Variants in KCNH5 observed in about 807,000 individuals in gnomAD.
The protein encoded by KCNH5 is potassium voltage-gated channel subfamily H member 5.
A neutral mutation model predicts 96.1 loss-of-function variants in KCNH5; 46 were observed. The ratio of observed to expected loss-of-function variants is 0.48; its 90% CI spans 0.38 to 0.61. The LOEUF (loss-of-function observed/expected upper bound fraction) is 0.61. KCNH5 is among the 20% of genes least tolerant of loss of function. The pLI is 0.00. For missense variants in KCNH5, 907 were observed against 1,225.8 expected, an observed-to-expected ratio of 0.74 and a Z score of 3.88; for synonymous variants, 439 against 449.8, an observed-to-expected ratio of 0.98 and a Z score of 0.30.
intron 8 of KCNH5, among the ~76,000 whole-genome samples, chr14:62,839,722 A>G (rs766006690): frequency 2.0e-5 from 3 of 152,192 alleles, no homozygotes; most frequent in Non-Finnish European, 4.4e-5. Flanking sequence ...TTAATGAGTT[A>G]TTAGTAGTTA....
intron 7 of KCNH5, among the ~76,000 whole-genome samples, chr14:62,886,457 A>C (rs1888600067): frequency 6.6e-6 from 1 of 151,896 alleles, no homozygotes; most frequent in Non-Finnish European, 1.5e-5. Flanking sequence ...CTGAACTAAC[A>C]CTCTGGCATG....
intron 4 of KCNH5, among the ~76,000 whole-genome samples, chr14:62,988,787 C>A (rs1420032845): frequency 6.6e-6 from 1 of 152,070 alleles, no homozygotes; most frequent in Non-Finnish European, 1.5e-5. Context: ...CAAATTGAGA[C>A]TTTTCTTTTG....
intron 1 of KCNH5, among the ~76,000 whole-genome samples, chr14:63,043,625 C>T (rs557183339): frequency 6.6e-6 from 1 of 152,292 alleles, no homozygotes; most frequent in South Asian, 2.1e-4. Context: ...AAATACAACA[C>T]TACTGCTTTA....
intron 10 of KCNH5, among the ~76,000 whole-genome samples, chr14:62,710,024 T>G (rs1884535478): frequency 6.6e-6 from 1 of 152,224 alleles, no homozygotes; most frequent in Non-Finnish European, 1.5e-5. Flanking sequence ...ACGTTGGTTC[T>G]CTCTCCTTGA....
chr14:62,751,210 G>A (rs542821619), intron 10 of KCNH5, among the ~76,000 whole-genome samples: 25 of 152,212 alleles, frequency 1.6e-4, no homozygotes, highest in African/African-American at 6.0e-4. Context: ...AACAAGGGGT[G>A]GGCCATTCAA....
intron 2 of KCNH5, among the ~76,000 whole-genome samples, chr14:63,008,730 A>C (rs887485217): frequency 6.6e-6 from 1 of 152,120 alleles, no homozygotes; most frequent in African/African-American, 2.4e-5. Flanking sequence ...CTCAAAGCAC[A>C]CCTGCAAGCT....
intron 7 of KCNH5, among the ~76,000 whole-genome samples, chr14:62,934,886 A>T (rs1200758765): frequency 6.6e-6 from 1 of 152,180 alleles, no homozygotes; most frequent in Non-Finnish European, 1.5e-5. Flanking sequence ...GCAGTGAAAC[A>T]TAAGAGGGCA....
At chr14:62,975,778 A>C in intron 6 of KCNH5, among the ~76,000 whole-genome samples, 1 of 152,166 alleles carries the variant, frequency 6.6e-6, no homozygotes, top group East Asian at 1.9e-4. Context: ...CACAAAGGTA[A>C]GAAAAGGCAT....
chr14:62,768,539 C>T (rs2139963337), intron 10 of KCNH5, among the ~76,000 whole-genome samples: 1 of 152,226 alleles, frequency 6.6e-6, no homozygotes, highest in East Asian at 1.9e-4. Context: ...TATGGTGAGG[C>T]AGGACTCAGA....
At chr14:62,802,203 C>T (rs536149570) in intron 9 of KCNH5, 126 bp downstream of exon 9, 21 of 830,734 alleles carry the variant, frequency 2.5e-5, no homozygotes, top group Non-Finnish European at 3.6e-5. Context: ...TTAAGATTCA[C>T]GTCTCATTAG....
At chr14:63,037,496 T>C (rs1372767070) in intron 1 of KCNH5, among the ~76,000 whole-genome samples, 2 of 152,204 alleles carry the variant, frequency 1.3e-5, no homozygotes, top group Non-Finnish European at 1.5e-5. Context: ...GTCTTTATTC[T>C]GAGACTCTTT....
intron 8 of KCNH5, among the ~76,000 whole-genome samples, chr14:62,807,286 A>T (rs1886786892): frequency 6.6e-6 from 1 of 152,156 alleles, no homozygotes; most frequent in African/African-American, 2.4e-5. Flanking sequence ...GCATATGAAA[A>T]ATCTGACAAC....
At chr14:62,876,717 C>T (rs1029312380) in intron 7 of KCNH5, among the ~76,000 whole-genome samples, 3 of 152,054 alleles carry the variant, frequency 2.0e-5, no homozygotes, top group South Asian at 2.1e-4. Context: ...CAGGGTATTG[C>T]CATAAGGGTA....
intron 10 of KCNH5, among the ~76,000 whole-genome samples, chr14:62,711,153 A>C (rs890808374): frequency 6.6e-6 from 1 of 152,124 alleles, no homozygotes; most frequent in Non-Finnish European, 1.5e-5. Flanking sequence ...TTTGTGTTGT[A>C]AGACTGTAAC....
chr14:63,019,530 G>A (rs1415859692), intron 1 of KCNH5, among the ~76,000 whole-genome samples: 3 of 151,922 alleles, frequency 2.0e-5, no homozygotes, highest in Admixed American at 1.3e-4. Flanking sequence ...TCAGAAACAG[G>A]CCCTCACATA....
intron 7 of KCNH5, among the ~76,000 whole-genome samples, chr14:62,871,747 T>C (rs757100637): frequency 2.6e-5 from 4 of 152,160 alleles, no homozygotes; most frequent in Admixed American, 6.5e-5. Context: ...GAAGGACATA[T>C]ATGCTTCCAT....
At chr14:63,022,903 T>C (rs1282317391) in intron 1 of KCNH5, among the ~76,000 whole-genome samples, 1 of 152,230 alleles carries the variant, frequency 6.6e-6, no homozygotes, top group East Asian at 1.9e-4. Flanking sequence ...ATTTGTGTCA[T>C]GACTTAATTA....
intron 7 of KCNH5, among the ~76,000 whole-genome samples, chr14:62,882,000 A>T (rs996843439): frequency 1.3e-5 from 2 of 151,382 alleles, no homozygotes; most frequent in Non-Finnish European, 2.9e-5. Flanking sequence ...CAGTGGCTCA[A>T]TGCCTGTAAT....
intron 10 of KCNH5, among the ~76,000 whole-genome samples, chr14:62,752,568 C>G (rs868661328): frequency 1.1e-4 from 16 of 152,064 alleles, no homozygotes; most frequent in Middle Eastern, 6.8e-3. Context: ...TTGGAGGTAC[C>G]CTGGTAGTAC....
Sources: allele counts gnomAD v4.1 joint callset (sites outside exome capture counted in the v4.1 genomes callset), GRCh38; gene constraint gnomAD v4.1.1; transcripts MANE v1.5; gene names NCBI Gene and HGNC (gene_info 2026-07-23, HGNC 2026-07-21).